Variants in LRMDA observed in about 807,000 individuals in gnomAD.
LRMDA encodes the protein leucine rich melanocyte differentiation associated.
In LRMDA, 18 loss-of-function variants were observed where a neutral mutation model predicts 29.8. That is an observed-to-expected ratio of 0.60 (90% CI 0.42 to 0.90). The LOEUF (loss-of-function observed/expected upper bound fraction) is 0.90, where lower values mean the gene tolerates loss of function less well. Ranked by LOEUF, LRMDA falls within the 40% of genes least tolerant of loss-of-function variation. The probability of loss-of-function intolerance (pLI) is 0.00; values close to 1 mark genes in which losing one functional copy is unlikely to be tolerated. For synonymous variants in LRMDA, 125 were observed against 109.4 expected, an observed-to-expected ratio of 1.14 and a Z score of -0.89; for missense variants, 273 against 273.9, an observed-to-expected ratio of 1.00 and a Z score of 0.02.
At chr10:76,352,324 TA>T (rs779388024) in intron 6 of LRMDA, among the ~76,000 whole-genome samples, 4 of 152,110 alleles carry the variant, frequency 2.6e-5, no homozygotes, top group African/African-American at 4.8e-5. Flanking sequence ...GATAATAAAA[TA>T]GAACAATTAT....
chr10:76,081,751 C>T (rs1447632296), intron 5 of LRMDA, among the ~76,000 whole-genome samples: 2 of 152,068 alleles, frequency 1.3e-5, no homozygotes, highest in Non-Finnish European at 2.9e-5. Flanking sequence ...TATAGAAACA[C>T]ACATGTATAT....
At chr10:75,993,644 A>G (rs1847409363) in intron 2 of LRMDA, among the ~76,000 whole-genome samples, 1 of 151,862 alleles carries the variant, frequency 6.6e-6, no homozygotes, top group Non-Finnish European at 1.5e-5. Flanking sequence ...GAGGCAGGAG[A>G]GTCTCTTGAA....
chr10:76,428,604 C>T (rs1186415448), intron 6 of LRMDA, among the ~76,000 whole-genome samples: 2 of 152,082 alleles, frequency 1.3e-5, no homozygotes, highest in Non-Finnish European at 1.5e-5. Flanking sequence ...TGTGAGATTG[C>T]CACTGGAGCT....
chr10:76,399,269 CCTCT>C (rs1352068850), intron 6 of LRMDA, among the ~76,000 whole-genome samples: 1 of 152,162 alleles, frequency 6.6e-6, no homozygotes, highest in African/African-American at 2.4e-5. Context: ...TGCATCTAGA[CCTCT>C]CTGTCTCTGG....
intron 2 of LRMDA, among the ~76,000 whole-genome samples, chr10:75,552,849 A>T (rs1840169436): frequency 6.6e-6 from 1 of 151,898 alleles, no homozygotes; most frequent in Non-Finnish European, 1.5e-5. Context: ...GATAAACCTT[A>T]TGATGAAATT....
chr10:76,364,872 C>T (rs1402921193), intron 6 of LRMDA, among the ~76,000 whole-genome samples: 2 of 151,308 alleles, frequency 1.3e-5, no homozygotes, highest in Non-Finnish European at 2.9e-5. Context: ...CCCCCAAGTC[C>T]CCAAAGTCCA....
chr10:76,277,216 T>C (rs1164114235), intron 5 of LRMDA, among the ~76,000 whole-genome samples: 1 of 152,084 alleles, frequency 6.6e-6, no homozygotes, highest in Admixed American at 6.6e-5. Flanking sequence ...ATCAGACGAC[T>C]CTGTGATTGG....
intron 2 of LRMDA, among the ~76,000 whole-genome samples, chr10:75,486,549 AGGTG>A (rs1393322430): frequency 6.6e-6 from 1 of 152,046 alleles, no homozygotes; most frequent in Non-Finnish European, 1.5e-5. Flanking sequence ...GAGCATTTTG[AGGTG>A]GGATGAGGAA....
At chr10:75,762,348 T>C (rs995851403) in intron 2 of LRMDA, among the ~76,000 whole-genome samples, 6 of 152,340 alleles carry the variant, frequency 3.9e-5, no homozygotes, top group African/African-American at 1.2e-4. Context: ...GTGAAAACAT[T>C]ATGAGTTTTT....
intron 5 of LRMDA, among the ~76,000 whole-genome samples, chr10:76,140,040 A>G (rs1341705162): frequency 3.3e-5 from 5 of 152,094 alleles, no homozygotes; most frequent in African/African-American, 1.2e-4. Flanking sequence ...GACTCTTTTC[A>G]TAGACTTTTA....
rs903976521 is a variant in LRMDA at position 75,892,820 on chromosome 10, A to G, written c.132-143188A>G. 5.3e-5 allele frequency among the ~76,000 whole-genome samples: 8 copies of G among 152,258 alleles called. No individual in the cohort carries two copies. The East Asian group carries it at 7.7e-4, about 15-fold the overall frequency. On this transcript the variant is annotated intron_variant, in intron 2 of 6. Transcript: ENST00000611255. ...CAGATAACTTTTTAACCTTTAAAAC[A>G]TTCCTCATTTTTAAAGATTTGGGTA...
At chr10:76,014,893 C>T (rs936809807) in intron 2 of LRMDA, among the ~76,000 whole-genome samples, 3 of 152,200 alleles carry the variant, frequency 2.0e-5, no homozygotes, top group Non-Finnish European at 4.4e-5. Context: ...AGCCTCCTGG[C>T]TGCAGCATCT....
At chr10:76,012,655 G>A (rs1420694296) in intron 2 of LRMDA, among the ~76,000 whole-genome samples, 2 of 152,158 alleles carry the variant, frequency 1.3e-5, no homozygotes, top group African/African-American at 2.4e-5. Context: ...AGTTCACAAC[G>A]AGGCAGTGCG....
At chr10:76,041,145 C>T (rs906667790) in intron 3 of LRMDA, among the ~76,000 whole-genome samples, 4 of 152,178 alleles carry the variant, frequency 2.6e-5, no homozygotes, top group African/African-American at 9.7e-5. Context: ...TTGTTAAAGA[C>T]TTTACAATTT....
At chr10:76,352,132 C>T (rs1199414252) in intron 6 of LRMDA, among the ~76,000 whole-genome samples, 2 of 152,080 alleles carry the variant, frequency 1.3e-5, no homozygotes, top group African/African-American at 2.4e-5. Context: ...CAAATAGTTA[C>T]TGTGGAAGTG....
intron 5 of LRMDA, among the ~76,000 whole-genome samples, chr10:76,315,562 C>T (rs1227844256): frequency 6.6e-6 from 1 of 152,218 alleles, no homozygotes; most frequent in African/African-American, 2.4e-5. Flanking sequence ...GCTAGCGCCC[C>T]CTGCTGCCTT....
intron 6 of LRMDA, among the ~76,000 whole-genome samples, chr10:76,407,045 A>G (rs1841909711): frequency 6.6e-6 from 1 of 152,106 alleles, no homozygotes; most frequent in Admixed American, 6.5e-5. Flanking sequence ...CATAAATAAG[A>G]TCCAGTCCAT....
chr10:75,762,062 C>G (rs1372858795), intron 2 of LRMDA, among the ~76,000 whole-genome samples: 1 of 152,196 alleles, frequency 6.6e-6, no homozygotes, highest in Non-Finnish European at 1.5e-5. Context: ...ATCTTCCCAC[C>G]TCAGCCTCCC....
At chr10:75,471,174 A>G (rs1589153206) in intron 2 of LRMDA, among the ~76,000 whole-genome samples, 1 of 151,214 alleles carries the variant, frequency 6.6e-6, no homozygotes, top group African/African-American at 2.4e-5. Flanking sequence ...GTAATAAACC[A>G]CTTATAATTT....
Sources: allele counts gnomAD v4.1 joint callset (sites outside exome capture counted in the v4.1 genomes callset), GRCh38; gene constraint gnomAD v4.1.1; transcripts MANE v1.5; gene names NCBI Gene and HGNC (gene_info 2026-07-23, HGNC 2026-07-21).